The following TCERG1L variants were observed in gnomAD, a reference collection of about 807,000 sequenced individuals.
TCERG1L encodes the protein transcription elongation regulator 1-like protein.
Under a neutral mutation model 56.3 loss-of-function variants are expected in TCERG1L, and 37 were observed. The ratio of observed to expected loss-of-function variants is 0.66; its 90% CI spans 0.51 to 0.87. The LOEUF is 0.87. Ranked by LOEUF, TCERG1L falls within the 40% of genes least tolerant of loss-of-function variation. TCERG1L has a pLI of 0.00. For missense variants in TCERG1L, 799 were observed against 774.2 expected (o/e 1.03, Z -0.38); for synonymous variants, 324 against 326.3 (o/e 0.99, Z 0.08).
intron 4 of TCERG1L, 63 bp from the exon 5 acceptor site, chr10:131,166,948 C>A: frequency 6.8e-7 from 1 of 1,459,906 alleles, no homozygotes; most frequent in Non-Finnish European, 9.3e-7. Flanking sequence ...AAAACCTAAG[C>A]AATCAAAGAC....
chr10:131,304,743 C>G (rs754007293), intron 3 of TCERG1L, among the ~76,000 whole-genome samples: 14 of 152,110 alleles, frequency 9.2e-5, no homozygotes, highest in Non-Finnish European at 1.5e-4. Context: ...ATGTATTTGT[C>G]TGTGAGAAGG....
At position 131,271,403 on chromosome 10, in the gene TCERG1L, C is replaced by G. The variant is rs79632098; in HGVS notation, c.671-10959G>C. On this transcript the variant is annotated intron_variant, in intron 3 of 11. Coordinates refer to ENST00000368642, the MANE Select transcript of TCERG1L (RefSeq NM_174937.4). Reference sequence around the variant, plus strand: ...GAGCCAGCCTCAGTCCAGAGGACTTCCGTCTCTCCCTGCACTCTGCAGAGG... The same window carrying G: ...GAGCCAGCCTCAGTCCAGAGGACTTGCGTCTCTCCCTGCACTCTGCAGAGG... Among the ~76,000 whole-genome samples, 399 of 152,324 alleles carry G rather than the reference C, an allele frequency of 2.6e-3. 1 individual carries two copies. The highest frequency in any genetic ancestry group is 8.9e-3 in the African/African-American group (369 of 41,582).
chr10:131,287,209 G>A (rs1198145786), intron 3 of TCERG1L, among the ~76,000 whole-genome samples: 1 of 152,150 alleles, frequency 6.6e-6, no homozygotes, highest in Non-Finnish European at 1.5e-5. Flanking sequence ...AAGAAAGTAG[G>A]GGAATAATAA....
intron 4 of TCERG1L, among the ~76,000 whole-genome samples, chr10:131,248,697 C>T (rs1470443943): frequency 6.6e-6 from 1 of 152,212 alleles, no homozygotes. Context: ...CTGAGAGTCA[C>T]TGGGAAAAAC....
Position 131,267,448 on chromosome 10 carries a change from G to A in TCERG1L, c.671-7004C>T, listed in dbSNP as rs770535967. ...ACCTGGGTGGCTGCAACTGAGCCTCGGCAGCTCCCACACTGCCAACTTGAG... is the reference window on the plus strand; with the variant it reads ...ACCTGGGTGGCTGCAACTGAGCCTCAGCAGCTCCCACACTGCCAACTTGAG... On this transcript the variant is annotated intron_variant, in intron 3 of 11. Transcript: ENST00000368642. This position sits in a 1 kb window ranked among gnomAD's most constrained non-coding sequence, Gnocchi z 4.9. 2.0e-5 allele frequency among the ~76,000 whole-genome samples: 3 copies of A among 152,196 alleles called. No homozygotes were observed. Among genetic ancestry groups the A allele is most frequent in the African/African-American group, 4.8e-5 (2 of 41,456 alleles).
At position 131,231,415 on chromosome 10, in the gene TCERG1L, A is replaced by T. The variant is rs1470035504; in HGVS notation, c.856+28844T>A. ...GGCCCCTCCAGAGGCGAAGGTCGCC[A>T]ACCCCAGTTAGAGAGAAATGACTGA... On this transcript the variant is annotated intron_variant, in intron 4 of 11. Coordinates refer to ENST00000368642, the MANE Select transcript of TCERG1L (RefSeq NM_174937.4). 1.1e-4 allele frequency among the ~76,000 whole-genome samples: 17 copies of T among 152,214 alleles called. No homozygotes were observed. In the East Asian group the frequency reaches 3.3e-3, roughly 29 times the overall value.
chr10:131,212,231 A>T (rs1380238582), intron 4 of TCERG1L, among the ~76,000 whole-genome samples: 4 of 152,204 alleles, frequency 2.6e-5, no homozygotes, highest in African/African-American at 9.6e-5. Context: ...AGGGCAAGAC[A>T]GCAGCTCTCC....
chr10:131,140,631 A>G (rs1281381520), intron 7 of TCERG1L, among the ~76,000 whole-genome samples: 1 of 152,200 alleles, frequency 6.6e-6, no homozygotes, highest in East Asian at 1.9e-4. Flanking sequence ...GAAGAGGGGC[A>G]CAGTGGGGGG....
chr10:131,170,802 T>C (rs1311661505), intron 4 of TCERG1L, among the ~76,000 whole-genome samples: 1 of 152,144 alleles, frequency 6.6e-6, no homozygotes, highest in Admixed American at 6.5e-5. Flanking sequence ...AGGGGAAAAG[T>C]ATTCAACACC....
At chr10:131,098,001 T>C (rs1845266859) in intron 11 of TCERG1L, among the ~76,000 whole-genome samples, 3 of 152,340 alleles carry the variant, frequency 2.0e-5, no homozygotes, top group African/African-American at 7.2e-5. Context: ...TGATTGGTTA[T>C]TTGGGTCAGT....
chr10:131,241,416 A>G (rs1243554929), intron 4 of TCERG1L, among the ~76,000 whole-genome samples: 1 of 152,150 alleles, frequency 6.6e-6, no homozygotes, highest in African/African-American at 2.4e-5. Flanking sequence ...AAGTGCAGGC[A>G]GAGGAGGAGG....
intron 4 of TCERG1L, among the ~76,000 whole-genome samples, chr10:131,227,645 C>A (rs913689062): frequency 1.3e-5 from 2 of 152,226 alleles, no homozygotes; most frequent in Non-Finnish European, 2.9e-5. Flanking sequence ...CTCAGCCTCA[C>A]CTCCAGGTGA....
intron 9 of TCERG1L, among the ~76,000 whole-genome samples, chr10:131,104,960 C>T (rs2133382316): frequency 1.3e-5 from 2 of 152,364 alleles, no homozygotes; most frequent in South Asian, 4.1e-4. Context: ...CAATAGTCTG[C>T]ATTTATTCAG....
At chr10:131,279,392 T>C (rs952673305) in intron 3 of TCERG1L, among the ~76,000 whole-genome samples, 2 of 152,128 alleles carry the variant, frequency 1.3e-5, no homozygotes, top group African/African-American at 4.8e-5. Context: ...GCTGCTAACC[T>C]TCATGACTGT....
chr10:131,109,120 C>G (rs1336000008), intron 9 of TCERG1L, among the ~76,000 whole-genome samples: 1 of 152,168 alleles, frequency 6.6e-6, no homozygotes, highest in Non-Finnish European at 1.5e-5. Flanking sequence ...CCCAGCACGT[C>G]CCCGAGACCA....
intron 8 of TCERG1L, among the ~76,000 whole-genome samples, chr10:131,128,065 A>C (rs1734562388): frequency 6.6e-6 from 1 of 152,244 alleles, no homozygotes. Context: ...CTTATTTTAA[A>C]ATGAGTAAAA....
chr10:131,166,959 A>G, intron 4 of TCERG1L, 74 bp from the exon 5 acceptor site: 1 of 1,369,210 alleles, frequency 7.3e-7, no homozygotes, highest in Non-Finnish European at 1.0e-6. Context: ...AATCAAAGAC[A>G]AAAAGTGGCC....
chr10:131,198,179 T>G (rs779556536), intron 4 of TCERG1L, among the ~76,000 whole-genome samples: 5 of 152,244 alleles, frequency 3.3e-5, no homozygotes, highest in African/African-American at 7.2e-5. Context: ...TGTGGGATTA[T>G]CATGGGAAAT....
chr10:131,249,145 C>G (rs1451484943), intron 4 of TCERG1L, among the ~76,000 whole-genome samples: 4 of 152,232 alleles, frequency 2.6e-5, no homozygotes, highest in Non-Finnish European at 5.9e-5. Flanking sequence ...CTGACTGATT[C>G]ATCAGGTGGG....
Sources: gnomAD v4.1 joint callset for allele counts (sites outside exome capture counted in the v4.1 genomes callset) on GRCh38, gnomAD v4.1.1 for gene constraint, Gnocchi (gnomAD v3.1) non-coding constraint, MANE v1.5 for transcripts, NCBI Gene and HGNC (gene_info 2026-07-23, HGNC 2026-07-21) for gene names.